The following APC2 variants were observed in gnomAD, a reference collection of about 807,000 sequenced individuals.
The protein encoded by APC2 is adenomatous polyposis coli protein 2.
In APC2, 41 loss-of-function variants were observed where a neutral mutation model predicts 72.5. The ratio of observed to expected loss-of-function variants is 0.57; its 90% confidence interval spans 0.44 to 0.73. APC2 has a LOEUF of 0.73. Ranked by LOEUF, APC2 falls within the 30% of genes least tolerant of loss-of-function variation. APC2 has a pLI of 0.00. For missense variants in APC2, 3,729 were observed against 3,403.4 expected (o/e 1.10, Z -2.38); for synonymous variants, 1,898 against 1,612.0 (o/e 1.18, Z -4.25).
chr19:1,460,023 A>G (rs773511434), intron 10 of APC2, among the ~76,000 whole-genome samples, 158 bp from the exon 11 acceptor site: 10 of 152,156 alleles, frequency 6.6e-5, no homozygotes, highest in Non-Finnish European at 1.2e-4. Flanking sequence ...GTGAGGCCAT[A>G]CCGGCTCCTG....
rs1190354916 is a variant in APC2, at chr19:1,465,328, T to C, written c.2027T>C (p.Val676Ala). 2 of 1,593,454 alleles carry C rather than the reference T, an allele frequency of 1.3e-6. No individual in the cohort carries two copies. The highest frequency in any genetic ancestry group is 1.7e-6 in the Non-Finnish European group (2 of 1,175,812). Residue 676 changes from valine (V) to alanine (A), a missense_variant, in exon 15 of 15, where the codon GTG becomes GCG. Transcript: ENST00000590469. ...LGAVGMLRNL[V>A]HSKHKMIAMG... is the part of the protein sequence containing the mutation. ...GCCGTGGGCATGCTGCGTAATCTGG[T>C]GCACTCCAAGCACAAGATGATCGCC...
intron 13 of APC2, 107 bp downstream of exon 13, chr19:1,461,260 C>T (rs2083918083): frequency 2.1e-6 from 2 of 960,128 alleles, no homozygotes; most frequent in Non-Finnish European, 3.3e-6. Context: ...TTGAACAGCT[C>T]ACTGCTTAGC....
At position 1,460,170 on chromosome 19, in the gene APC2, G is replaced by A; in HGVS notation, c.1304-11G>A. The A allele has an allele frequency of 6.2e-7, 1 of 1,613,094 alleles. No homozygotes were observed. The highest frequency in any genetic ancestry group is 8.5e-7 in the Non-Finnish European group (1 of 1,179,982). Reference sequence around the variant, plus strand: ...TCCCTGCCACCCACCAACCTTGTTGGGTCCTCACAGGTGGGCTGCAGGCCG... The same window carrying A: ...TCCCTGCCACCCACCAACCTTGTTGAGTCCTCACAGGTGGGCTGCAGGCCG... On this transcript the variant is annotated splice_polypyrimidine_tract_variant and intron_variant, in intron 10 of 14. Transcript: ENST00000590469.
chr19:1,470,185 C>T lies in APC2; in HGVS notation c.6884C>T (p.Ala2295Val), dbSNP rs1366241516. The part of the protein sequence containing the change: ...TTDSAAEKAP[A>V]TASATLLE ...GACTCGGCCGCGGAGAAAGCCCCGG[C>T]CACTGCCTCCGCCACCCTCCTGGAA... Residue 2295 changes from alanine (A) to valine (V), a missense_variant, in exon 15 of 15, where the codon GCC becomes GTC. Coordinates refer to ENST00000590469, the MANE Select transcript of APC2 (RefSeq NM_005883.3). The T allele has an allele frequency of 1.1e-5, 17 of 1,600,260 alleles. No individual in the cohort carries two copies. Among genetic ancestry groups the T allele is most frequent in the Non-Finnish European group, 1.4e-5 (17 of 1,175,462 alleles).
chr19:1,460,121 G>A (rs1280664430), intron 10 of APC2, 60 bp from the exon 11 acceptor site: 27 of 1,606,266 alleles, frequency 1.7e-5, no homozygotes, highest in African/African-American at 2.7e-5. Context: ...AGTGAGGTGG[G>A]GCGCTGGGCA....
rs540029429 is a variant in APC2 at position 1,463,343 on chromosome 19, G to A, written c.1853+1166G>A. 2.0e-3 allele frequency among the ~76,000 whole-genome samples: 296 copies of A among 151,754 alleles called. 6 individuals carry two copies. The highest frequency in any genetic ancestry group is 0.019 in the Admixed American group (284 of 15,236). Reference sequence around the variant, plus strand: ...TGAAGCAGGAAAATGGCGTGAACCCGGGAGGCGGAGGCTGCAGTGAGGTGA... The same window carrying A: ...TGAAGCAGGAAAATGGCGTGAACCCAGGAGGCGGAGGCTGCAGTGAGGTGA... On this transcript the variant is annotated intron_variant, in intron 14 of 14. Transcript: ENST00000590469.
chr19:1,447,548 TCA>T (rs1189043356), upstream of APC2, among the ~76,000 whole-genome samples: 1 of 151,752 alleles, frequency 6.6e-6, no homozygotes, highest in Non-Finnish European at 1.5e-5. Context: ...GAGACCTCTC[TCA>T]GTCTCCTGAA....
At position 1,461,572 on chromosome 19, in the gene APC2, G is replaced by C. The variant is rs2083922847; in HGVS notation, c.1639-391G>C. The C allele has an allele frequency of 2.9e-5, 9 of 314,250 alleles. No homozygotes were observed. In the Admixed American group the frequency reaches 3.8e-4, roughly 13 times the overall value. The allele number at this position is 314,250 out of a possible 1,614,324, so 19.5% of individuals were successfully genotyped here. ...CGTCTCAAAAAAACAACCTCACTGG[G>C]CCGGGCGCGGTGGCTCTTGCCTGTA... On this transcript the variant is annotated intron_variant, in intron 13 of 14. Transcript: ENST00000590469.
At position 1,456,067 on chromosome 19, in the gene APC2, C is replaced by A. The variant is rs374357481; in HGVS notation, c.640-9C>A. 38 of 1,560,276 alleles carry A rather than the reference C, an allele frequency of 2.4e-5. 1 individual carries two copies. The highest frequency in any genetic ancestry group is 2.6e-5 in the Non-Finnish European group (30 of 1,156,592). On this transcript the variant is annotated splice_polypyrimidine_tract_variant and intron_variant, in intron 6 of 14. Transcript: ENST00000590469. ...GCTCCAGCACTTGCCCTCGTGTGGTCCTGAGCAGATCCGCGCCTCGCGCCT... is the reference window on the plus strand; with the variant it reads ...GCTCCAGCACTTGCCCTCGTGTGGTACTGAGCAGATCCGCGCCTCGCGCCT...
intron 14 of APC2, among the ~76,000 whole-genome samples, chr19:1,462,793 AC>A (rs553181794): frequency 0.015 from 2,288 of 148,352 alleles, 32 homozygotes; most frequent in Non-Finnish European, 0.023. Context: ...ACACGGTGAA[AC>A]CCCCATCTCT....
intron 8 of APC2, among the ~76,000 whole-genome samples, 191 bp from the exon 9 acceptor site, chr19:1,456,662 T>G (rs777449130): frequency 2.5e-4 from 38 of 151,988 alleles, no homozygotes; most frequent in Non-Finnish European, 4.6e-4. Context: ...GCGGCCACCC[T>G]AGGAATGCCA....
At position 1,469,614 on chromosome 19, in the gene APC2, A is replaced by G; in HGVS notation, c.6313A>G (p.Ile2105Val). 1 of 1,254,662 alleles carries G rather than the reference A, an allele frequency of 8.0e-7. No homozygotes were observed. The highest frequency in any genetic ancestry group is 2.0e-5 in the South Asian group (1 of 48,978). 77.7% of individuals were successfully genotyped at this position (1,254,662 alleles called of 1,614,324 possible). ...TVKRYASLPH[I>V]SVARRPDGAV... ...CAAGCGCTACGCGTCGCTGCCGCAC[A>G]TCAGCGTGGCCCGCAGGCCCGACGG... The change falls in exon 15 of 15, where the codon ATC (isoleucine) becomes GTC (valine). Residue 2105 changes from isoleucine to valine, a missense_variant. Coordinates refer to ENST00000590469, the MANE Select transcript of APC2 (RefSeq NM_005883.3).
At position 1,467,504 on chromosome 19, in the gene APC2, T is replaced by G. The variant is rs1388615253; in HGVS notation, c.4203T>G (p.Ser1401=). The G allele has an allele frequency of 1.4e-6, 2 of 1,463,026 alleles. No individual in the cohort carries two copies. Among genetic ancestry groups the G allele is most frequent in the South Asian group, 2.7e-5 (2 of 75,304 alleles). 90.6% of individuals were successfully genotyped at this position (1,463,026 alleles called of 1,614,324 possible). ...DSAEGTPVNF[S]SAASLSDETL... Reference sequence around the variant, plus strand: ...CGGAGGGCACGCCGGTCAACTTCTCTAGCGCCGCCTCGCTCAGCGACGAGA... The same window carrying G: ...CGGAGGGCACGCCGGTCAACTTCTCGAGCGCCGCCTCGCTCAGCGACGAGA... The change falls in exon 15 of 15, where the codon TCT becomes TCG. Residue 1401 remains serine (S), a synonymous_variant. Coordinates refer to ENST00000590469, the MANE Select transcript of APC2 (RefSeq NM_005883.3).
chr19:1,462,248 T>C, intron 14 of APC2, 71 bp downstream of exon 14: 1 of 1,384,506 alleles, frequency 7.2e-7, no homozygotes, highest in South Asian at 1.4e-5. Flanking sequence ...GGCTGGGCAC[T>C]GTCCTCCCGT....
Position 1,467,126 on chromosome 19 carries a change from C to T in APC2, c.3825C>T (p.Ala1275=), listed in dbSNP as rs1279098533. ...AGCCAGACGAGAACTTCTCGTGCGC[C>T]TCCAGCCTCAGCGCGCTGGCCTTGC... The part of the protein sequence containing the change: ...VEKPDENFSC[A]SSLSALALHE... Residue 1275 remains alanine, a synonymous_variant, in exon 15 of 15, where the codon GCC becomes GCT. Coordinates refer to ENST00000590469, the MANE Select transcript of APC2 (RefSeq NM_005883.3). 6.3e-7 allele frequency: 1 copy of T among 1,590,138 alleles called. No homozygotes were observed. Among genetic ancestry groups the T allele is most frequent in the Non-Finnish European group, 8.6e-7 (1 of 1,167,382 alleles).
At position 1,469,347 on chromosome 19, in the gene APC2, T is replaced by C; in HGVS notation, c.6046T>C (p.Ser2016Pro). Reference protein sequence around the residue: ...RRRSELSSAESAASAPQGASP... With the variant: ...RRRSELSSAEPAASAPQGASP... Reference sequence around the variant, plus strand: ...CCGCTCCGAGCTGTCCTCGGCCGAGTCCGCGGCCTCTGCCCCCCAGGGCGC... The same window carrying C: ...CCGCTCCGAGCTGTCCTCGGCCGAGCCCGCGGCCTCTGCCCCCCAGGGCGC... Residue 2016 changes from serine (S) to proline (P), a missense_variant, in exon 15 of 15, where the codon TCC (serine) becomes CCC (proline). Physicochemically the swap from Ser to Pro is moderately conservative, Grantham distance 74 (BLOSUM62 -1). Coordinates refer to ENST00000590469, the MANE Select transcript of APC2 (RefSeq NM_005883.3). 1.5e-6 allele frequency: 2 copies of C among 1,344,338 alleles called. No homozygotes were observed. Among genetic ancestry groups the C allele is most frequent in the South Asian group, 3.1e-5 (2 of 64,348 alleles). The allele number at this position is 1,344,338 out of a possible 1,614,324, so 83.3% of individuals were successfully genotyped here.
upstream of APC2, among the ~76,000 whole-genome samples, chr19:1,446,718 C>A (rs919121973): frequency 6.6e-5 from 10 of 152,098 alleles, no homozygotes; most frequent in Admixed American, 6.5e-4. The surrounding 1 kb of genome is among the most constrained non-coding windows in gnomAD (Gnocchi z 6.1). Context: ...GGAGGCTCGG[C>A]CCTGCGCAGG....
At chr19:1,460,493 G>A (rs755694536) in intron 11 of APC2, among the ~76,000 whole-genome samples, 173 bp downstream of exon 11, 28 of 152,250 alleles carry the variant, frequency 1.8e-4, no homozygotes, top group Non-Finnish European at 2.9e-4. Context: ...GGACGGGAGC[G>A]CGTGCTGAAC....
intron 9 of APC2, 154 bp downstream of exon 9, chr19:1,457,397 T>G (rs1208799325): frequency 7.7e-6 from 9 of 1,174,200 alleles, no homozygotes; most frequent in Admixed American, 3.5e-5. Flanking sequence ...TGGGGGCATT[T>G]GACGTTGGGA....
Sources: allele counts gnomAD v4.1 joint callset (sites outside exome capture counted in the v4.1 genomes callset), GRCh38; gene constraint gnomAD v4.1.1; non-coding constraint Gnocchi (gnomAD v3.1); transcripts MANE v1.5; gene names NCBI Gene and HGNC (gene_info 2026-07-23, HGNC 2026-07-21).